Variants in CCDC138 observed in about 807,000 individuals in gnomAD.
CCDC138 encodes coiled-coil domain containing 138.
In CCDC138, 66 loss-of-function variants were observed where a neutral mutation model predicts 82.3. The ratio of observed to expected loss-of-function variants is 0.80; its 90% confidence interval spans 0.66 to 0.98. The LOEUF (loss-of-function observed/expected upper bound fraction) is 0.98, where lower values mean the gene tolerates loss of function less well. Among genes scored for constraint, CCDC138 ranks in the 50% least tolerant of loss-of-function variants. CCDC138 has a pLI of 0.00. For synonymous variants in CCDC138, 297 were observed against 265.4 expected (o/e 1.12, Z -1.16); for missense variants, 816 against 758.9 (o/e 1.08, Z -0.88).
In CCDC138 at chr2:108,876,466, A is replaced by T. The variant is rs1037968165; in HGVS notation, c.*213A>T. ...AGGTAAGGTAATACTAATATACAAG[A>T]TGGCGTTTCTAGAATGTATGACACT... On this transcript the variant is annotated 3_prime_UTR_variant, in exon 15 of 15. Transcript: ENST00000295124. 4 of 339,534 alleles carry T rather than the reference A, an allele frequency of 1.2e-5. No individual in the cohort carries two copies. Among genetic ancestry groups the T allele is most frequent in the South Asian group, 1.3e-4 (1 of 7,544 alleles). 21.0% of individuals were successfully genotyped at this position (339,534 alleles called of 1,614,324 possible).
rs372870951 is a variant in CCDC138 at position 108,846,719 on chromosome 2, T to C, written c.1324-19T>C. The C allele has an allele frequency of 9.8e-5, 155 of 1,577,864 alleles. No individual in the cohort carries two copies. The highest frequency in any genetic ancestry group is 1.2e-4 in the Non-Finnish European group (144 of 1,158,966). On this transcript the variant is annotated intron_variant, in intron 11 of 14. Coordinates refer to ENST00000295124, the MANE Select transcript of CCDC138 (RefSeq NM_144978.3). ...CTGAACATGAATAAATATACTAAGA[T>C]TGTACATATTTTTAACAGCACTCGA...
intron 13 of CCDC138, among the ~76,000 whole-genome samples, chr2:108,872,637 A>G (rs1695452520): frequency 6.6e-6 from 1 of 152,090 alleles, no homozygotes; most frequent in South Asian, 2.1e-4. Context: ...TTCTTGTTGC[A>G]TCATCACCTG....
intron 11 of CCDC138, among the ~76,000 whole-genome samples, chr2:108,842,782 A>G (rs774646912): frequency 8.5e-5 from 13 of 152,198 alleles, no homozygotes; most frequent in Non-Finnish European, 1.9e-4. Flanking sequence ...CTAGGGTGAA[A>G]AAGTCCAACT....
At chr2:108,885,231 T>C (rs6748168) in exon 3 of CCDC138, 132,849 of 152,198 alleles carry the variant, frequency 0.87, 58,368 homozygotes, top group East Asian at 1. Flanking sequence ...GAATCTTTCC[T>C]TGATGAGTTT....
chr2:108,802,124 T>C (rs1353893719), intron 6 of CCDC138, among the ~76,000 whole-genome samples: 1 of 145,490 alleles, frequency 6.9e-6, no homozygotes, highest in African/African-American at 2.6e-5. Context: ...TCTTTTTTGG[T>C]TCCATATGAA....
chr2:108,830,353 T>C (rs1467055917), intron 10 of CCDC138, among the ~76,000 whole-genome samples: 10 of 152,228 alleles, frequency 6.6e-5, no homozygotes, highest in Non-Finnish European at 1.5e-5. Context: ...TACACAACAG[T>C]GTGATTACAC....
At chr2:108,854,504 CATTATTACTTATT>C (rs1398378946) in intron 12 of CCDC138, among the ~76,000 whole-genome samples, 1 of 152,104 alleles carries the variant, frequency 6.6e-6, no homozygotes. Flanking sequence ...TATCAGTAGA[CATTATTACTTATT>C]ATAAAACTTT....
intron 13 of CCDC138, among the ~76,000 whole-genome samples, chr2:108,859,706 T>C (rs940037526): frequency 3.3e-5 from 5 of 152,178 alleles, no homozygotes; most frequent in Admixed American, 3.3e-4. Flanking sequence ...ACTATAGCCT[T>C]GTAGTATAGT....
chr2:108,850,491 G>A (rs759316000), intron 12 of CCDC138, among the ~76,000 whole-genome samples: 7 of 151,902 alleles, frequency 4.6e-5, no homozygotes, highest in East Asian at 1.9e-4. Flanking sequence ...TCACCCTGTC[G>A]CCCAGGCTGG....
chr2:108,798,526 C>T lies in CCDC138; in HGVS notation c.675C>T (p.Ala225=), dbSNP rs775394958. The T allele has an allele frequency of 2.0e-5, 33 of 1,613,696 alleles. No individual in the cohort carries two copies. The Admixed American group carries it at 5.3e-4, about 26-fold the overall frequency. ...AACTGCTTTTCAGACATGAAAATGC[C>T]TTGAGTAAAATTAAAGGTGTTGAAG... ...REQLLFRHEN[A]LSKIKGVEEE... Residue 225 remains alanine (A), a synonymous_variant, in exon 6 of 15, where the codon GCC becomes GCT. Transcript: ENST00000295124.
downstream of CCDC138, among the ~76,000 whole-genome samples, chr2:108,880,814 C>G (rs1307323619): frequency 2.0e-5 from 3 of 152,196 alleles, no homozygotes; most frequent in Non-Finnish European, 4.4e-5. Context: ...CCAAAGAGCT[C>G]TACCATGGAC....
At chr2:108,833,884 C>CG (rs1439923116) in intron 10 of CCDC138, among the ~76,000 whole-genome samples, 2 of 142,886 alleles carry the variant, frequency 1.4e-5, no homozygotes, top group East Asian at 4.2e-4. Flanking sequence ...CCCGCTACCA[C>CG]GCCCGGCTAA....
intron 10 of CCDC138, among the ~76,000 whole-genome samples, chr2:108,827,901 TCCATTC>T (rs1686911188): frequency 1.3e-5 from 2 of 151,932 alleles, no homozygotes; most frequent in South Asian, 4.2e-4. Context: ...CATCAGAGAT[TCCATTC>T]CCATTCCCAT....
chr2:108,850,443 TTTTTGTTTTG>T, intron 12 of CCDC138, among the ~76,000 whole-genome samples: 1 of 152,134 alleles, frequency 6.6e-6, no homozygotes, highest in East Asian at 1.9e-4. Context: ...TGGCGAGTTT[TTTTTGTTTTG>T]TTTTGTTTTG....
intron 10 of CCDC138, among the ~76,000 whole-genome samples, chr2:108,836,768 T>C (rs1688639249): frequency 6.6e-6 from 1 of 152,142 alleles, no homozygotes; most frequent in South Asian, 2.1e-4. Flanking sequence ...AGTGTATAAG[T>C]TTTTTACCTC....
intron 12 of CCDC138, among the ~76,000 whole-genome samples, chr2:108,850,443 TTTTTG>T (rs1295742114): frequency 6.6e-6 from 1 of 152,016 alleles, no homozygotes; most frequent in Non-Finnish European, 1.5e-5. Context: ...TGGCGAGTTT[TTTTTG>T]TTTTGTTTTG....
chr2:108,831,156 G>A (rs1343096479), intron 10 of CCDC138, among the ~76,000 whole-genome samples: 1 of 151,948 alleles, frequency 6.6e-6, no homozygotes, highest in African/African-American at 2.4e-5. Context: ...TCCAGCCTGA[G>A]TTATAGAGCG....
intron 13 of CCDC138, among the ~76,000 whole-genome samples, chr2:108,859,266 T>C (rs1391882326): frequency 6.6e-6 from 1 of 152,208 alleles, no homozygotes; most frequent in Non-Finnish European, 1.5e-5. Flanking sequence ...TCTCATTGAT[T>C]TGTTTGAGCT....
intron 12 of CCDC138, among the ~76,000 whole-genome samples, chr2:108,853,312 T>C (rs1691846796): frequency 6.6e-6 from 1 of 152,148 alleles, no homozygotes; most frequent in Admixed American, 6.5e-5. Context: ...TCTAATATAA[T>C]TGACCCAGAT....
Sources: gnomAD v4.1 joint callset for allele counts (sites outside exome capture counted in the v4.1 genomes callset) on GRCh38, gnomAD v4.1.1 for gene constraint, MANE v1.5 for transcripts, NCBI Gene and HGNC (gene_info 2026-07-23, HGNC 2026-07-21) for gene names.